CYRIA: variants seen among roughly 807,000 people sequenced by gnomAD.
The protein encoded by CYRIA is CYFIP related Rac1 interactor A.
Under a neutral mutation model 43.9 loss-of-function variants are expected in CYRIA, and 15 were observed. The observed-to-expected ratio is 0.34, with a 90% CI of 0.23 to 0.53. The LOEUF (loss-of-function observed/expected upper bound fraction) is 0.53. CYRIA is among the 20% of genes least tolerant of loss of function. CYRIA has a pLI of 0.94. For missense variants in CYRIA, 236 were observed against 394.2 expected, an observed-to-expected ratio of 0.60 and a Z score of 3.40; for synonymous variants, 117 against 136.0, an observed-to-expected ratio of 0.86 and a Z score of 0.97.
intron 2 of CYRIA, among the ~76,000 whole-genome samples, chr2:16,616,495 G>A (rs1300215581): frequency 6.6e-6 from 1 of 152,172 alleles, no homozygotes; most frequent in Non-Finnish European, 1.5e-5. Context: ...CTCGCTCAGA[G>A]GACCTTCCTG....
At chr2:16,611,355 C>A (rs568567669) in intron 2 of CYRIA, among the ~76,000 whole-genome samples, 2 of 152,078 alleles carry the variant, frequency 1.3e-5, no homozygotes, top group African/African-American at 2.4e-5. Flanking sequence ...CAGAGAGAGA[C>A]GCCATCTCAA....
chr2:16,616,879 C>T (rs1262330991), intron 2 of CYRIA, among the ~76,000 whole-genome samples: 2 of 152,178 alleles, frequency 1.3e-5, no homozygotes, highest in Non-Finnish European at 2.9e-5. Flanking sequence ...GGAAACTGTC[C>T]TATGAAGAGG....
At chr2:16,633,320 C>T (rs967006213) in intron 1 of CYRIA, among the ~76,000 whole-genome samples, 1 of 152,158 alleles carries the variant, frequency 6.6e-6, no homozygotes, top group Non-Finnish European at 1.5e-5. Context: ...GACCACAATC[C>T]ATACTGACCT....
At chr2:16,622,087 G>A (rs1312470872) in intron 2 of CYRIA, among the ~76,000 whole-genome samples, 2 of 152,194 alleles carry the variant, frequency 1.3e-5, no homozygotes, top group African/African-American at 4.8e-5. Context: ...AGCCCTGAAT[G>A]AGCATGTGCT....
rs1668456678 is a variant in CYRIA at position 16,607,714 on chromosome 2, A to C, written c.-11+16150T>G. 3.9e-5 allele frequency among the ~76,000 whole-genome samples: 6 copies of C among 152,046 alleles called. No individual in the cohort carries two copies. In the South Asian group the frequency reaches 1.2e-3, roughly 31 times the overall value. ...CGGGTTCAAGCGATTCTCCTGCCTT[A>C]GCCTCCCAAGCAGGTGGGATTACAG... is the stretch of plus-strand genomic sequence containing the variant. On this transcript the variant is annotated intron_variant, in intron 2 of 11. Coordinates refer to ENST00000381323, the MANE Select transcript of CYRIA (RefSeq NM_030797.4).
At chr2:16,593,718 GTTTTTTT>G (rs572181896) in intron 2 of CYRIA, among the ~76,000 whole-genome samples, 3 of 85,838 alleles carry the variant, frequency 3.5e-5, no homozygotes, top group African/African-American at 1.0e-4. Flanking sequence ...GTGTGTGTGT[GTTTTTTT>G]TTTTTTTTTT....
chr2:16,584,382 A>C (rs1200968498), intron 3 of CYRIA, among the ~76,000 whole-genome samples: 1 of 152,092 alleles, frequency 6.6e-6, no homozygotes, highest in African/African-American at 2.4e-5. Flanking sequence ...GAGTCACAAA[A>C]CTGAGGGGGC....
At chr2:16,579,556 G>A (rs1667477056) in intron 3 of CYRIA, among the ~76,000 whole-genome samples, 1 of 151,956 alleles carries the variant, frequency 6.6e-6, no homozygotes, top group African/African-American at 2.4e-5. Flanking sequence ...AAAGCACAAA[G>A]TGAAAAGGTG....
intron 1 of CYRIA, among the ~76,000 whole-genome samples, chr2:16,654,575 C>G (rs1421829111): frequency 6.6e-6 from 1 of 152,118 alleles, no homozygotes; most frequent in Non-Finnish European, 1.5e-5. Context: ...TAGAGCCAGG[C>G]CGACTTCAAC....
intron 1 of CYRIA, among the ~76,000 whole-genome samples, chr2:16,633,057 G>A (rs914195579): frequency 2.0e-5 from 3 of 152,180 alleles, no homozygotes; most frequent in Non-Finnish European, 4.4e-5. Flanking sequence ...GTTTCCATGT[G>A]AGAACCACCA....
intron 1 of CYRIA, among the ~76,000 whole-genome samples, chr2:16,634,050 A>T (rs1669417051): frequency 6.6e-6 from 1 of 152,172 alleles, no homozygotes; most frequent in Admixed American, 6.5e-5. Flanking sequence ...AATGACTAGG[A>T]GCACATGACA....
chr2:16,599,964 C>T (rs939485755), intron 2 of CYRIA, among the ~76,000 whole-genome samples: 2 of 152,306 alleles, frequency 1.3e-5, no homozygotes, highest in South Asian at 2.1e-4. Flanking sequence ...CCATGTTGGC[C>T]AGGATAGTCT....
At chr2:16,612,249 G>T (rs180898911) in intron 2 of CYRIA, among the ~76,000 whole-genome samples, 10 of 152,146 alleles carry the variant, frequency 6.6e-5, no homozygotes, top group Admixed American at 3.3e-4. Context: ...TCCAGCCTGA[G>T]GTCCTTCCAG....
intron 1 of CYRIA, among the ~76,000 whole-genome samples, chr2:16,624,497 C>T (rs758582607): frequency 2.6e-5 from 4 of 152,158 alleles, no homozygotes; most frequent in Non-Finnish European, 5.9e-5. Flanking sequence ...GATGGTTCTC[C>T]CTGTTTCTCA....
rs1666241754 is a variant in CYRIA at position 16,550,036 on chromosome 2, G to A, written c.*2900C>T. On this transcript the variant is annotated 3_prime_UTR_variant, in exon 12 of 12. Transcript: ENST00000381323. ...TTTTTTTCTACTACTAATTCCTAGT[G>A]GTGCACAACGAGTTTCTGAGAACAC... The A allele has an allele frequency of 6.9e-6, 1 of 145,596 alleles. No individual in the cohort carries two copies. Among genetic ancestry groups the A allele is most frequent in the South Asian group, 2.2e-4 (1 of 4,614 alleles). 9.0% of individuals were successfully genotyped at this position (145,596 alleles called of 1,614,324 possible). A position where few individuals can be genotyped will look rare whatever the true frequency, so the allele number is the denominator to read the frequency against.
chr2:16,600,045 C>T (rs866655236), intron 2 of CYRIA, among the ~76,000 whole-genome samples: 2 of 152,186 alleles, frequency 1.3e-5, no homozygotes, highest in South Asian at 2.1e-4. Flanking sequence ...CGTGAGCCAT[C>T]GTGCCTGGCC....
In CYRIA at chr2:16,593,291, C is replaced by G. The variant is rs1321813250; in HGVS notation, c.-10-5162G>C. Among the ~76,000 whole-genome samples, 2 of 152,102 alleles carry G rather than the reference C, an allele frequency of 1.3e-5. 1 individual carries two copies. The highest frequency in any genetic ancestry group is 2.9e-5 in the Non-Finnish European group (2 of 68,038). ...TGGTCCTTTATGTATATCTTTTCCA[C>G]ATTAAACTATAACCAGGTAAATGCT... On this transcript the variant is annotated intron_variant, in intron 2 of 11. Transcript: ENST00000381323.
intron 3 of CYRIA, among the ~76,000 whole-genome samples, chr2:16,576,061 C>A (rs1249673813): frequency 2.6e-5 from 4 of 151,984 alleles, no homozygotes; most frequent in African/African-American, 9.7e-5. Flanking sequence ...TTGTAAATTG[C>A]CCAATCTCGG....
intron 2 of CYRIA, among the ~76,000 whole-genome samples, chr2:16,620,698 C>G (rs1668962557): frequency 6.6e-6 from 1 of 152,188 alleles, no homozygotes; most frequent in Non-Finnish European, 1.5e-5. Flanking sequence ...TGAAAAATCC[C>G]TGATTCATAC....
Sources: gnomAD v4.1 joint callset for allele counts (sites outside exome capture counted in the v4.1 genomes callset) on GRCh38, gnomAD v4.1.1 for gene constraint, MANE v1.5 for transcripts, NCBI Gene and HGNC (gene_info 2026-07-23, HGNC 2026-07-21) for gene names.